CCSER2: variants seen among roughly 807,000 people sequenced by gnomAD.
CCSER2 encodes serine-rich coiled-coil domain-containing protein 2.
A neutral mutation model predicts 92.3 loss-of-function variants in CCSER2; 46 were observed. The ratio of observed to expected loss-of-function variants is 0.50; its 90% confidence interval spans 0.39 to 0.64. The LOEUF (loss-of-function observed/expected upper bound fraction) is 0.64. CCSER2 is among the 30% of genes least tolerant of loss of function. The probability of loss-of-function intolerance (pLI) is 0.00; values close to 1 mark genes in which losing one functional copy is unlikely to be tolerated. For synonymous variants in CCSER2, 433 were observed against 431.4 expected (o/e 1.00, Z -0.04); for missense variants, 1,244 against 1,238.9 (o/e 1.00, Z -0.06).
chr10:84,506,141 T>TAAAAA (rs3044062), intron 9 of CCSER2, among the ~76,000 whole-genome samples: 2 of 145,914 alleles, frequency 1.4e-5, no homozygotes. Context: ...CTTTGATACT[T>TAAAAA]AAAAAAAAAA....
chr10:84,491,150 A>T (rs191901187), intron 9 of CCSER2, among the ~76,000 whole-genome samples: 8 of 152,130 alleles, frequency 5.3e-5, no homozygotes, highest in African/African-American at 1.7e-4. Flanking sequence ...GTCTGCCCCT[A>T]CTGGGGGGTG....
At chr10:84,393,784 A>G (rs994925050) in intron 3 of CCSER2, 2 of 152,374 alleles carry the variant, frequency 1.3e-5, no homozygotes, top group Non-Finnish European at 2.9e-5. Context: ...CCTATTTACA[A>G]AGTAAGTTTC....
chr10:84,459,649 A>G (rs371060027), intron 6 of CCSER2, among the ~76,000 whole-genome samples: 2 of 152,076 alleles, frequency 1.3e-5, no homozygotes, highest in Non-Finnish European at 1.5e-5. Flanking sequence ...CATTCTCCCA[A>G]TTAGCTGGGA....
intron 6 of CCSER2, among the ~76,000 whole-genome samples, chr10:84,459,337 G>T (rs528689461): frequency 2.0e-4 from 31 of 152,102 alleles, no homozygotes; most frequent in Non-Finnish European, 4.1e-4. Flanking sequence ...TCTAAATGAG[G>T]TTATTTTATT....
intron 1 of CCSER2, among the ~76,000 whole-genome samples, chr10:84,341,446 A>G (rs1275943958): frequency 1.3e-5 from 2 of 149,212 alleles, no homozygotes; most frequent in African/African-American, 2.5e-5. Context: ...CGACCTCTCA[A>G]AGTGCTGGGA....
At chr10:84,366,386 C>G (rs1845777700) in intron 1 of CCSER2, among the ~76,000 whole-genome samples, 1 of 152,092 alleles carries the variant, frequency 6.6e-6, no homozygotes, top group African/African-American at 2.4e-5. Context: ...AGTTGAGGAT[C>G]TATTAAATTT....
intron 3 of CCSER2, among the ~76,000 whole-genome samples, chr10:84,374,322 G>A (rs1846217240): frequency 6.6e-6 from 1 of 152,148 alleles, no homozygotes; most frequent in South Asian, 2.1e-4. Flanking sequence ...CTCTCAGTGG[G>A]ATAATACAAT....
chr10:84,330,499 C>T (rs142459951), intron 1 of CCSER2, among the ~76,000 whole-genome samples: 2 of 152,256 alleles, frequency 1.3e-5, no homozygotes, highest in African/African-American at 4.8e-5. Context: ...TGTCTGTCTC[C>T]ACCAGGTTTT....
chr10:84,447,271 T>G (rs1423781539), intron 6 of CCSER2, among the ~76,000 whole-genome samples: 2 of 152,240 alleles, frequency 1.3e-5, no homozygotes, highest in Non-Finnish European at 2.9e-5. Flanking sequence ...ATACCCAACT[T>G]ACGAATTTGT....
chr10:84,457,252 TATATAAA>T (rs1323090421), intron 6 of CCSER2, among the ~76,000 whole-genome samples: 2 of 43,460 alleles, frequency 4.6e-5, no homozygotes, highest in African/African-American at 8.0e-5. Flanking sequence ...TATTATATAT[TATATAAA>T]ATATATTATA....
intron 3 of CCSER2, among the ~76,000 whole-genome samples, chr10:84,381,557 A>T (rs965452661): frequency 6.6e-6 from 1 of 152,154 alleles, no homozygotes; most frequent in Non-Finnish European, 1.5e-5. Flanking sequence ...GGGAGTCTAG[A>T]ATTTTGATAC....
At chr10:84,494,821 A>G (rs10788343) in intron 9 of CCSER2, among the ~76,000 whole-genome samples, 86,171 of 152,060 alleles carry the variant, frequency 0.57, 27,106 homozygotes, top group East Asian at 0.74. Flanking sequence ...GTTATGGAAT[A>G]TATTACCGGA....
intron 6 of CCSER2, among the ~76,000 whole-genome samples, chr10:84,454,433 A>C (rs1344132838): frequency 6.6e-6 from 1 of 152,224 alleles, no homozygotes; most frequent in Non-Finnish European, 1.5e-5. Context: ...CATTCAAGCT[A>C]GTGCAGTTCT....
intron 1 of CCSER2, among the ~76,000 whole-genome samples, chr10:84,351,602 T>C (rs1844862184): frequency 6.6e-6 from 1 of 152,188 alleles, no homozygotes; most frequent in Non-Finnish European, 1.5e-5. Flanking sequence ...ACTCCTGGGC[T>C]TAAGTGATCC....
intron 7 of CCSER2, among the ~76,000 whole-genome samples, chr10:84,468,886 G>A (rs1371679353): frequency 2.0e-5 from 3 of 152,140 alleles, no homozygotes; most frequent in Admixed American, 6.6e-5. Flanking sequence ...TAACTGCTAT[G>A]TCTGATGGTG....
chr10:84,508,307 C>T (rs1849173009), intron 9 of CCSER2, among the ~76,000 whole-genome samples: 1 of 152,132 alleles, frequency 6.6e-6, no homozygotes, highest in Non-Finnish European at 1.5e-5. Flanking sequence ...ACGCTGTTCT[C>T]TAAGAGCCCA....
intron 1 of CCSER2, among the ~76,000 whole-genome samples, chr10:84,358,732 C>T (rs941156800): frequency 1.1e-4 from 17 of 150,968 alleles, no homozygotes; most frequent in South Asian, 2.1e-4. Context: ...TACACAGACA[C>T]GTAATGTGAT....
chr10:84,500,575 T>C (rs1399137213), intron 9 of CCSER2, among the ~76,000 whole-genome samples: 2 of 152,260 alleles, frequency 1.3e-5, no homozygotes, highest in Admixed American at 1.3e-4. Context: ...TCTAATGATT[T>C]AGTTACTGTT....
At chr10:84,381,492 G>C (rs561644175) in intron 3 of CCSER2, among the ~76,000 whole-genome samples, 1 of 152,160 alleles carries the variant, frequency 6.6e-6, no homozygotes, top group Admixed American at 6.5e-5. Context: ...GGCTTGCTGT[G>C]CCTAAACTGT....
Sources: allele counts gnomAD v4.1 joint callset (sites outside exome capture counted in the v4.1 genomes callset), GRCh38; gene constraint gnomAD v4.1.1; transcripts MANE v1.5; gene names NCBI Gene and HGNC (gene_info 2026-07-23, HGNC 2026-07-21).